Variants in RXFP1 observed in about 807,000 individuals in gnomAD.
The protein encoded by RXFP1 is relaxin family peptide receptor 1, also known as relaxin receptor 1.
RXFP1 carries 73 observed loss-of-function variants against 89.8 expected under a neutral mutation model. The observed-to-expected ratio is 0.81, with a 90% CI of 0.67 to 0.99. The LOEUF is 0.99. Ranked by LOEUF, RXFP1 falls within the 50% of genes least tolerant of loss-of-function variation. The pLI, the probability that RXFP1 is intolerant of heterozygous loss-of-function variation, is 0.00. For synonymous variants in RXFP1, 277 were observed against 305.5 expected, an observed-to-expected ratio of 0.91 and a Z score of 0.97; for missense variants, 793 against 895.5, an observed-to-expected ratio of 0.89 and a Z score of 1.46.
chr4:158,626,627 A>G (rs1483630053), intron 9 of RXFP1, among the ~76,000 whole-genome samples, 193 bp from the exon 10 acceptor site: 2 of 151,990 alleles, frequency 1.3e-5, no homozygotes, highest in Admixed American at 6.6e-5. Flanking sequence ...TACCTTTAAC[A>G]TAGAAAAAAG....
chr4:158,566,801 G>A (rs927097957), intron 1 of RXFP1, among the ~76,000 whole-genome samples: 5 of 152,198 alleles, frequency 3.3e-5, no homozygotes, highest in Non-Finnish European at 5.9e-5. Flanking sequence ...TGCAGCCCTC[G>A]CTCGCTCTCG....
intron 1 of RXFP1, among the ~76,000 whole-genome samples, chr4:158,557,605 A>C (rs1751581495): frequency 6.6e-6 from 1 of 152,194 alleles, no homozygotes; most frequent in Admixed American, 6.5e-5. Context: ...GCTCCAAGGA[A>C]TCCTCCAGCC....
intron 1 of RXFP1, among the ~76,000 whole-genome samples, chr4:158,546,536 A>C (rs1748465410): frequency 6.6e-6 from 1 of 152,218 alleles, no homozygotes; most frequent in Non-Finnish European, 1.5e-5. Context: ...GCCAGTTTTC[A>C]AAGGGAATGC....
rs374298697 is a variant in RXFP1, at chr4:158,651,921, G to C, written c.2140G>C (p.Ala714Pro). The C allele has an allele frequency of 1.5e-5, 25 of 1,614,126 alleles. No individual in the cohort carries two copies. In the Middle Eastern group the frequency reaches 6.6e-4, roughly 43 times the overall value. ...SMDSKGQKTYAPSFIWVEMWP... is the reference protein window; with the variant it reads ...SMDSKGQKTYPPSFIWVEMWP... ...GGACAGCAAAGGTCAGAAAACATAT[G>C]CTCCATCATTCATCTGGGTGGAAAT... The change falls in exon 18 of 18, where the codon GCT becomes CCT. Residue 714 changes from alanine to proline, a missense_variant. Ala to Pro is a conservative substitution (Grantham distance 27). Coordinates refer to ENST00000307765, the MANE Select transcript of RXFP1 (RefSeq NM_021634.4).
chr4:158,626,572 C>G (rs921716022), intron 9 of RXFP1, among the ~76,000 whole-genome samples: 9 of 152,036 alleles, frequency 5.9e-5, no homozygotes, highest in Non-Finnish European at 1.0e-4. Context: ...TTCTCATATA[C>G]ATGCCCGTAT....
intron 1 of RXFP1, among the ~76,000 whole-genome samples, chr4:158,568,206 A>G (rs923751849): frequency 2.6e-5 from 4 of 152,262 alleles, no homozygotes; most frequent in Admixed American, 6.5e-5. Flanking sequence ...GCTGCTTCTA[A>G]GAACTGTTAA....
intron 12 of RXFP1, among the ~76,000 whole-genome samples, chr4:158,637,400 A>AC (rs1385715246): frequency 6.6e-6 from 1 of 152,042 alleles, no homozygotes; most frequent in Non-Finnish European, 1.5e-5. Flanking sequence ...ATCATCCTCA[A>AC]CCCTTATCTT....
At chr4:158,535,774 C>A (rs1022590300) in intron 1 of RXFP1, among the ~76,000 whole-genome samples, 3 of 152,186 alleles carry the variant, frequency 2.0e-5, no homozygotes, top group Non-Finnish European at 4.4e-5. Context: ...ATAGGACCGG[C>A]CTTTTTGATA....
chr4:158,626,936 C>T (rs752947364), intron 10 of RXFP1, 45 bp downstream of exon 10: 1 of 1,072,422 alleles, frequency 9.3e-7, no homozygotes, highest in Non-Finnish European at 1.3e-6. Flanking sequence ...TCTTTTCTTA[C>T]AAATAAAATT....
chr4:158,637,321 T>C (rs1269877346), intron 12 of RXFP1, among the ~76,000 whole-genome samples: 1 of 152,208 alleles, frequency 6.6e-6, no homozygotes, highest in African/African-American at 2.4e-5. Context: ...AGCCCCATAC[T>C]ATTTTCCATA....
At chr4:158,594,695 AT>A (rs956483827) in intron 3 of RXFP1, among the ~76,000 whole-genome samples, 1 of 152,116 alleles carries the variant, frequency 6.6e-6, no homozygotes, top group African/African-American at 2.4e-5. Flanking sequence ...ACCCAGTTGA[AT>A]TTTTTTAAGC....
At chr4:158,527,564 A>AAAAAAATATATATATATAT (rs5741905) in intron 1 of RXFP1, among the ~76,000 whole-genome samples, 3 of 98,334 alleles carry the variant, frequency 3.1e-5, no homozygotes, top group African/African-American at 1.1e-4. Flanking sequence ...AAAAAAAAAA[A>AAAAAAATATATATATATAT]ATATATATAT....
At chr4:158,568,151 A>C (rs550434122) in intron 1 of RXFP1, among the ~76,000 whole-genome samples, 1 of 152,284 alleles carries the variant, frequency 6.6e-6, no homozygotes, top group Admixed American at 6.5e-5. Context: ...AACCCACCAG[A>C]AGGAAGAAAC....
intron 1 of RXFP1, among the ~76,000 whole-genome samples, chr4:158,535,905 C>T (rs1413503518): frequency 6.6e-6 from 1 of 152,166 alleles, no homozygotes; most frequent in Non-Finnish European, 1.5e-5. Context: ...TCACTATTTT[C>T]TTTAACTCTG....
At position 158,651,851 on chromosome 4, in the gene RXFP1, A is replaced by T; in HGVS notation, c.2070A>T (p.Glu690Asp). 1 of 1,614,194 alleles carries T rather than the reference A, an allele frequency of 6.2e-7. No individual in the cohort carries two copies. Among genetic ancestry groups the T allele is most frequent in the South Asian group, 1.1e-5 (1 of 91,086 alleles). Reference protein sequence around the residue: ...LYTLTTRPFKEMIHRFWYNYR... With the variant: ...LYTLTTRPFKDMIHRFWYNYR... ...CTCTGACCACAAGACCATTTAAAGA[A>T]ATGATTCATCGGTTTTGGTATAACT... The change falls in exon 18 of 18, where the codon GAA (glutamate) becomes GAT (aspartate). Residue 690 changes from glutamate to aspartate, a missense_variant. Glu to Asp is a conservative substitution (Grantham distance 45, BLOSUM62 2). Transcript: ENST00000307765.
chr4:158,586,413 C>T (rs1758313477), intron 2 of RXFP1, among the ~76,000 whole-genome samples: 1 of 152,054 alleles, frequency 6.6e-6, no homozygotes, highest in African/African-American at 2.4e-5. Context: ...CAACACTACC[C>T]ATATATACTG....
At chr4:158,612,050 G>A (rs1244211609) in intron 6 of RXFP1, 80 bp from the exon 7 acceptor site, 3 of 1,180,134 alleles carry the variant, frequency 2.5e-6, no homozygotes, top group African/African-American at 3.1e-5. Context: ...AATTTAAGAT[G>A]GATGATTATT....
At position 158,532,029 on chromosome 4, in the gene RXFP1, G is replaced by A. The variant is rs562293800; in HGVS notation, c.49+10004G>A. Reference sequence around the variant, plus strand: ...TGAGGCTTAGGCTTCTAATGATCCCGTCACCCAAGTAATGAACATACTGCC... The same window carrying A: ...TGAGGCTTAGGCTTCTAATGATCCCATCACCCAAGTAATGAACATACTGCC... On this transcript the variant is annotated intron_variant, in intron 1 of 17. Coordinates refer to ENST00000307765, the MANE Select transcript of RXFP1 (RefSeq NM_021634.4). Among the ~76,000 whole-genome samples, 9 of 152,126 alleles carry A rather than the reference G, an allele frequency of 5.9e-5. No homozygotes were observed. In the South Asian group the frequency reaches 1.2e-3, roughly 21 times the overall value.
chr4:158,639,673 C>T (rs1661557087), intron 14 of RXFP1, among the ~76,000 whole-genome samples: 1 of 152,094 alleles, frequency 6.6e-6, no homozygotes, highest in East Asian at 1.9e-4. Context: ...AGTTCAAGAC[C>T]AGCCTGGCCA....
Sources: gnomAD v4.1 joint callset for allele counts (sites outside exome capture counted in the v4.1 genomes callset) on GRCh38, gnomAD v4.1.1 for gene constraint, MANE v1.5 for transcripts, NCBI Gene and HGNC (gene_info 2026-07-23, HGNC 2026-07-21) for gene names.